Variants in SP140L observed in about 807,000 individuals in gnomAD.
SP140L encodes the protein SP140 like nuclear body protein, also known as nuclear body protein SP140-like protein.
In SP140L, 64 loss-of-function variants were observed where a neutral mutation model predicts 84.3. The observed-to-expected ratio is 0.76, with a 90% CI of 0.62 to 0.94. SP140L has a LOEUF of 0.94. SP140L is among the 40% of genes least tolerant of loss of function. The pLI is 0.00. For missense variants in SP140L, 628 were observed against 692.5 expected, an observed-to-expected ratio of 0.91 and a Z score of 1.05; for synonymous variants, 242 against 236.9, an observed-to-expected ratio of 1.02 and a Z score of -0.20.
chr2:230,372,850 G>T (rs1313054908), intron 7 of SP140L: 1 of 152,014 alleles, frequency 6.6e-6, no homozygotes, highest in East Asian at 1.9e-4. Flanking sequence ...TAGGCCTTTT[G>T]CAGAAAATAA....
At chr2:230,346,357 G>A (rs1282516599) in intron 2 of SP140L, among the ~76,000 whole-genome samples, 5 of 152,110 alleles carry the variant, frequency 3.3e-5, no homozygotes, top group African/African-American at 9.7e-5. Context: ...ACTTATTGGT[G>A]TAGAATTGTA....
intron 5 of SP140L, among the ~76,000 whole-genome samples, chr2:230,363,554 C>T (rs1266707868): frequency 1.3e-5 from 2 of 151,024 alleles, no homozygotes; most frequent in Non-Finnish European, 3.0e-5. Flanking sequence ...GGTTGAGTTC[C>T]TTACATATTT....
chr2:230,373,390 C>T (rs2061148306), intron 7 of SP140L, among the ~76,000 whole-genome samples: 1 of 152,176 alleles, frequency 6.6e-6, no homozygotes. Flanking sequence ...TTGTTAGAGG[C>T]TAATGGAGCA....
chr2:230,400,237 T>G lies in SP140L; in HGVS notation c.1308T>G (p.Ser436Arg), dbSNP rs2062256550. 1.2e-6 allele frequency: 2 copies of G among 1,613,976 alleles called. No homozygotes were observed. Among genetic ancestry groups the G allele is most frequent in the Non-Finnish European group, 1.7e-6 (2 of 1,179,976 alleles). ...HEDCHIPPVE[S>R]EKTPWNCIFC... Reference sequence around the variant, plus strand: ...ACTGCCACATCCCACCTGTGGAAAGTGAGAAGTAAGTGACATGCAGGCACC... The same window carrying G: ...ACTGCCACATCCCACCTGTGGAAAGGGAGAAGTAAGTGACATGCAGGCACC... Residue 436 changes from serine (S) to arginine (R), a missense_variant, in exon 15 of 19, where the codon AGT becomes AGG. Physicochemically the swap from Ser to Arg is moderately radical, Grantham distance 110 (BLOSUM62 -1). Transcript: ENST00000415673.
intron 2 of SP140L, among the ~76,000 whole-genome samples, chr2:230,337,371 T>C (rs1339796893): frequency 6.6e-6 from 1 of 152,212 alleles, no homozygotes; most frequent in Non-Finnish European, 1.5e-5. Flanking sequence ...TTTGTTTAAG[T>C]TCATTGTAGA....
rs534071305 is a variant in SP140L at position 230,357,705 on chromosome 2, T to C, written c.108-100T>C. 5.9e-6 allele frequency: 7 copies of C among 1,186,818 alleles called. No individual in the cohort carries two copies. The South Asian group carries it at 1.1e-4, about 18-fold the overall frequency. The allele number at this position is 1,186,818 out of a possible 1,614,324, so 73.5% of individuals were successfully genotyped here. On this transcript the variant is annotated intron_variant, in intron 2 of 18. Transcript: ENST00000415673. ...TGAGGACCACCTATTTTATATATGT[T>C]GGTTCTTCATAGCTTATCCGTTATA...
At position 230,399,553 on chromosome 2, in the gene SP140L, T is replaced by C. The variant is rs376286869; in HGVS notation, c.1198-574T>C. Among the ~76,000 whole-genome samples the C allele has an allele frequency of 3.9e-5, 6 of 152,206 alleles. No individual in the cohort carries two copies. In the South Asian group the frequency reaches 1.0e-3, roughly 26 times the overall value. ...GAGCCGAAGAGCTCTGTGCTCCCTG[T>C]GGCCCACCTGGTCATGTGTACTCAT... On this transcript the variant is annotated intron_variant, in intron 14 of 18. Transcript: ENST00000415673.
rs752066594 is a variant in SP140L, at chr2:230,401,362, G to T, written c.1423-4G>T. On this transcript the variant is annotated splice_polypyrimidine_tract_variant and splice_region_variant and intron_variant, in intron 16 of 18. Coordinates refer to ENST00000415673, the MANE Select transcript of SP140L (RefSeq NM_138402.6). ...TTTTCATTTACGGCCTCTTTCTTTT[G>T]CAGAAATGTGAGTTCCTCCTCTTGA... The T allele has an allele frequency of 1.2e-5, 19 of 1,569,698 alleles. No homozygotes were observed. Among genetic ancestry groups the T allele is most frequent in the Non-Finnish European group, 1.5e-5 (18 of 1,162,860 alleles).
At chr2:230,400,737 C>G in intron 15 of SP140L, 1 of 1,099,558 alleles carries the variant, frequency 9.1e-7, no homozygotes, top group East Asian at 2.7e-5. Flanking sequence ...ACGGTGACAC[C>G]ACCTTCCTGA....
At chr2:230,352,860 A>G (rs2060407922) in intron 2 of SP140L, among the ~76,000 whole-genome samples, 1 of 151,788 alleles carries the variant, frequency 6.6e-6, no homozygotes, top group African/African-American at 2.4e-5. Context: ...ACACACATAT[A>G]TGTGTGTATA....
chr2:230,362,128 C>T (rs1188251624), intron 5 of SP140L, among the ~76,000 whole-genome samples: 1 of 152,168 alleles, frequency 6.6e-6, no homozygotes, highest in Non-Finnish European at 1.5e-5. Context: ...ACACTTTTGA[C>T]ACCAAACATG....
At chr2:230,341,730 G>A (rs1230857700) in intron 2 of SP140L, among the ~76,000 whole-genome samples, 3 of 152,074 alleles carry the variant, frequency 2.0e-5, no homozygotes, top group African/African-American at 7.2e-5. Context: ...CTCAGCTGCA[G>A]GTCTGTTGGA....
At chr2:230,361,769 A>G (rs1575478890) in intron 5 of SP140L, 72 bp downstream of exon 5, 4 of 1,160,752 alleles carry the variant, frequency 3.4e-6, no homozygotes, top group Admixed American at 2.2e-5. Flanking sequence ...TGAGGGCCCA[A>G]GGTCCTGAGG....
intron 2 of SP140L, among the ~76,000 whole-genome samples, chr2:230,332,740 A>C (rs2059760856): frequency 6.6e-6 from 1 of 152,176 alleles, no homozygotes; most frequent in Non-Finnish European, 1.5e-5. Flanking sequence ...GCAGAATTCT[A>C]AAATTCTTCT....
At chr2:230,393,201 G>A (rs1006093112) in intron 12 of SP140L, among the ~76,000 whole-genome samples, 13 of 152,218 alleles carry the variant, frequency 8.5e-5, no homozygotes, top group African/African-American at 3.1e-4. Flanking sequence ...CACAAGAGAA[G>A]GGAAAATGGT....
chr2:230,391,907 T>C, intron 11 of SP140L, 180 bp from the exon 12 acceptor site: 1 of 722,602 alleles, frequency 1.4e-6, no homozygotes, highest in Non-Finnish European at 2.2e-6. Context: ...CCAGGAAATA[T>C]ACTTAGAGGG....
intron 1 of SP140L, 140 bp from the exon 2 acceptor site, chr2:230,328,617 A>G (rs1000853221): frequency 2.4e-5 from 27 of 1,132,654 alleles, no homozygotes; most frequent in South Asian, 2.3e-4. Flanking sequence ...TCAATAAGCT[A>G]TAATAATGAT....
At chr2:230,393,380 GCTGA>G (rs1167746379) in intron 12 of SP140L, 30 bp from the exon 13 acceptor site, 3 of 1,565,348 alleles carry the variant, frequency 1.9e-6, no homozygotes, top group East Asian at 2.3e-5. Context: ...AGAAACGCAG[GCTGA>G]CTATGTACCT....
intron 18 of SP140L, among the ~76,000 whole-genome samples, chr2:230,402,375 C>T (rs1251793018): frequency 6.6e-6 from 1 of 152,204 alleles, no homozygotes; most frequent in Non-Finnish European, 1.5e-5. Context: ...GAAATGATTT[C>T]ACTTTTCTGC....
Sources: allele counts gnomAD v4.1 joint callset (sites outside exome capture counted in the v4.1 genomes callset), GRCh38; gene constraint gnomAD v4.1.1; transcripts MANE v1.5; gene names NCBI Gene and HGNC (gene_info 2026-07-23, HGNC 2026-07-21).